Variants in RMDN2 observed in about 807,000 individuals in gnomAD.
RMDN2 encodes the protein regulator of microtubule dynamics protein 2.
In RMDN2, 61 loss-of-function variants were observed where a neutral mutation model predicts 52.8. That is an observed-to-expected ratio of 1.16 (90% CI 0.94 to 1.43). The LOEUF is 1.43. Among genes scored for constraint, RMDN2 ranks in the 40% most tolerant of loss-of-function variants. RMDN2 has a pLI of 0.00. For synonymous variants in RMDN2, 180 were observed against 153.1 expected, an observed-to-expected ratio of 1.18 and a Z score of -1.30; for missense variants, 592 against 475.3, an observed-to-expected ratio of 1.25 and a Z score of -2.28.
intron 10 of RMDN2, chr2:38,036,641 G>A (rs1451042592): frequency 6.6e-6 from 1 of 151,462 alleles, no homozygotes; most frequent in African/African-American, 2.5e-5. Context: ...GGGTCGTGGG[G>A]AACCTGTTGA....
At chr2:38,048,030 G>C (rs1196653205) in intron 10 of RMDN2, among the ~76,000 whole-genome samples, 1 of 152,228 alleles carries the variant, frequency 6.6e-6, no homozygotes, top group Non-Finnish European at 1.5e-5. Flanking sequence ...CAGATGTGCT[G>C]ATTACCTGAG....
intron 4 of RMDN2, among the ~76,000 whole-genome samples, chr2:37,977,745 C>A (rs1432149592): frequency 1.3e-5 from 2 of 151,024 alleles, no homozygotes; most frequent in Non-Finnish European, 3.0e-5. Flanking sequence ...AGAGGCGCTC[C>A]CCACATCCCA....
At chr2:37,977,334 C>T (rs1038504302) in intron 4 of RMDN2, among the ~76,000 whole-genome samples, 4 of 152,356 alleles carry the variant, frequency 2.6e-5, no homozygotes, top group East Asian at 1.9e-4. Flanking sequence ...CATCATGGCC[C>T]GTTCTCAACG....
intron 10 of RMDN2, among the ~76,000 whole-genome samples, chr2:38,008,881 C>A (rs1230017683): frequency 1.3e-5 from 2 of 152,128 alleles, no homozygotes; most frequent in Admixed American, 1.3e-4. Flanking sequence ...CCTTCAGGAG[C>A]TCTTTTAGGG....
At chr2:37,957,188 G>A (rs1019326717) in intron 2 of RMDN2, among the ~76,000 whole-genome samples, 6 of 152,142 alleles carry the variant, frequency 3.9e-5, no homozygotes, top group Admixed American at 1.3e-4. Flanking sequence ...TGGGATTGCT[G>A]GGTCAAATGT....
At chr2:37,946,078 G>A (rs1182100502) in intron 2 of RMDN2, among the ~76,000 whole-genome samples, 2 of 152,138 alleles carry the variant, frequency 1.3e-5, no homozygotes, top group African/African-American at 4.8e-5. Context: ...TTAATTCTAA[G>A]ATGAACATTT....
upstream of RMDN2, among the ~76,000 whole-genome samples, chr2:37,925,048 C>CTGGGGCTAGCGCGGAGGCCCA (rs2124870710): frequency 6.6e-6 from 1 of 152,302 alleles, no homozygotes; most frequent in South Asian, 2.1e-4. Flanking sequence ...AGGGAACGCG[C>CTGGGGCTAGCGCGGAGGCCCA]TGGGGCTAGC....
chr2:37,960,387 T>G (rs1304852495), intron 2 of RMDN2, among the ~76,000 whole-genome samples: 1 of 152,174 alleles, frequency 6.6e-6, no homozygotes, highest in Admixed American at 6.5e-5. Context: ...ACTAATCCCC[T>G]TACCATTATG....
At chr2:37,974,874 A>AT (rs1289274854) in intron 3 of RMDN2, 5 of 239,634 alleles carry the variant, frequency 2.1e-5, no homozygotes, top group Non-Finnish European at 4.0e-5. Context: ...TTGATAATAG[A>AT]TAACTTGGAA....
chr2:37,995,337 TACTACTACTACTACTACTACTACTACTAC>T (rs1313881919), intron 7 of RMDN2, among the ~76,000 whole-genome samples: 1 of 150,764 alleles, frequency 6.6e-6, no homozygotes, highest in African/African-American at 2.4e-5. Flanking sequence ...CTACTACTAC[TACTACTACTACTACTACTACTACTACTAC>T]ACACACACAC....
chr2:37,997,579 C>G (rs759332039), intron 8 of RMDN2, 65 bp downstream of exon 8: 5 of 1,052,636 alleles, frequency 4.7e-6, no homozygotes, highest in Non-Finnish European at 7.3e-6. Context: ...TCCCTGCTGC[C>G]GTTGTCAAGG....
At chr2:38,048,037 T>A (rs1681378544) in intron 10 of RMDN2, among the ~76,000 whole-genome samples, 1 of 152,248 alleles carries the variant, frequency 6.6e-6, no homozygotes, top group Admixed American at 6.5e-5. Context: ...GCTGATTACC[T>A]GAGATGTAAC....
intron 7 of RMDN2, among the ~76,000 whole-genome samples, chr2:37,995,331 T>C (rs1028193797): frequency 6.7e-6 from 1 of 150,022 alleles, no homozygotes. Flanking sequence ...TGACTACTAC[T>C]ACTACTACTA....
chr2:38,017,838 G>A (rs563042903), downstream of RMDN2: 5 of 204,082 alleles, frequency 2.4e-5, no homozygotes, highest in Non-Finnish European at 4.1e-5. Flanking sequence ...GACTGAGTCC[G>A]AAAAGAGAGT....
At chr2:38,045,500 C>G (rs78326950) in intron 10 of RMDN2, among the ~76,000 whole-genome samples, 1 of 152,160 alleles carries the variant, frequency 6.6e-6, no homozygotes, top group African/African-American at 2.4e-5. Flanking sequence ...CAACTTCTTC[C>G]TCACCTTTTA....
chr2:38,054,658 T>C (rs1237446180), intron 10 of RMDN2, among the ~76,000 whole-genome samples: 1 of 152,212 alleles, frequency 6.6e-6, no homozygotes, highest in Non-Finnish European at 1.5e-5. Context: ...TCTCTGTTTC[T>C]TTTGGGTCAC....
chr2:37,938,003 TC>T (rs1446576631), intron 2 of RMDN2, among the ~76,000 whole-genome samples: 5 of 152,374 alleles, frequency 3.3e-5, no homozygotes, highest in African/African-American at 1.2e-4. Flanking sequence ...TTTTGCCCAT[TC>T]AATATGATAT....
chr2:37,926,343 T>A (rs6738875), intron 1 of RMDN2, among the ~76,000 whole-genome samples: 26,128 of 152,168 alleles, frequency 0.17, 2,600 homozygotes, highest in Non-Finnish European at 0.23. Flanking sequence ...CTTCAGACAT[T>A]TCTTCAGAAA....
intron 2 of RMDN2, among the ~76,000 whole-genome samples, chr2:37,941,195 C>T (rs1240515724): frequency 1.3e-5 from 2 of 152,180 alleles, no homozygotes; most frequent in African/African-American, 4.8e-5. Context: ...CCACTGTAGA[C>T]CCTGTTTGCC....
Sources: allele counts gnomAD v4.1 joint callset (sites outside exome capture counted in the v4.1 genomes callset), GRCh38; gene constraint gnomAD v4.1.1; transcripts MANE v1.5; gene names NCBI Gene and HGNC (gene_info 2026-07-23, HGNC 2026-07-21).